The following PUS7 variants were observed in gnomAD, a reference collection of about 807,000 sequenced individuals.
PUS7 encodes the protein pseudouridine synthase 7.
Under a neutral mutation model 79.8 loss-of-function variants are expected in PUS7, and 48 were observed. The observed-to-expected ratio is 0.60, with a 90% CI of 0.48 to 0.76. The LOEUF (loss-of-function observed/expected upper bound fraction) is 0.76. PUS7 is among the 30% of genes least tolerant of loss of function. The pLI is 0.00. For synonymous variants in PUS7, 286 were observed against 272.2 expected, an observed-to-expected ratio of 1.05 and a Z score of -0.50; for missense variants, 729 against 797.6, an observed-to-expected ratio of 0.91 and a Z score of 1.04.
At chr7:105,459,633 TCA>T (rs1823332010) in intron 14 of PUS7, among the ~76,000 whole-genome samples, 1 of 151,666 alleles carries the variant, frequency 6.6e-6, no homozygotes, top group African/African-American at 2.4e-5. Context: ...AGATGGGGTT[TCA>T]CTATGTTGGC....
chr7:105,508,141 T>C lies in PUS7; in HGVS notation c.372A>G (p.Gln124=), dbSNP rs751232523. 3.1e-6 allele frequency: 5 copies of C among 1,614,024 alleles called. No homozygotes were observed. The highest frequency in any genetic ancestry group is 2.2e-5 in the East Asian group (1 of 44,884). The change falls in exon 2 of 16, where the codon CAA becomes CAG. Residue 124 remains glutamine (Q), a synonymous_variant. Transcript: ENST00000469408. ...VGITKFVSSH[Q]GFSGILKERY... is the part of the protein sequence containing the mutation. ...TTTCTTTTAAGATTCCCGAGAACCC[T>C]TGATGAGAACTCACAAACTTGGTGA...
chr7:105,483,563 T>C (rs1037095020), intron 7 of PUS7, among the ~76,000 whole-genome samples: 24 of 152,168 alleles, frequency 1.6e-4, no homozygotes, highest in Admixed American at 5.9e-4. Flanking sequence ...CCTCGCACAG[T>C]GCTGCGATTA....
chr7:105,481,613 C>A (rs1824322850), intron 8 of PUS7, among the ~76,000 whole-genome samples: 2 of 152,128 alleles, frequency 1.3e-5, no homozygotes. Context: ...AACTCTGTAC[C>A]CCTAAACAGT....
At chr7:105,463,720 C>T (rs1332789104) in intron 13 of PUS7, among the ~76,000 whole-genome samples, 2 of 151,066 alleles carry the variant, frequency 1.3e-5, no homozygotes, top group Admixed American at 6.6e-5. Flanking sequence ...TGCTAGCCTT[C>T]TACTCATTCA....
chr7:105,477,922 C>G (rs1824176328), intron 9 of PUS7, among the ~76,000 whole-genome samples: 1 of 152,158 alleles, frequency 6.6e-6, no homozygotes, highest in African/African-American at 2.4e-5. Flanking sequence ...CCTGCCTCAG[C>G]CTCCTGAGTA....
chr7:105,477,212 T>TTA (rs1467748414), intron 9 of PUS7, among the ~76,000 whole-genome samples: 2 of 152,208 alleles, frequency 1.3e-5, no homozygotes, highest in Non-Finnish European at 2.9e-5. Flanking sequence ...AGTGCAGCTC[T>TTA]TATGTTTAGA....
chr7:105,495,001 G>GAAAT, intron 6 of PUS7, 141 bp downstream of exon 6: 2 of 362,700 alleles, frequency 5.5e-6, no homozygotes, highest in Non-Finnish European at 1.0e-5. Context: ...AAGAAAGAAA[G>GAAAT]AAAGAAAGAA....
intron 12 of PUS7, 103 bp downstream of exon 12, chr7:105,468,234 C>T (rs1823735877): frequency 6.8e-7 from 1 of 1,468,736 alleles, no homozygotes; most frequent in East Asian, 2.3e-5. Flanking sequence ...TGCCTCACCA[C>T]ATCTCTCTTT....
At chr7:105,509,301 T>C (rs1469060743) in intron 1 of PUS7, among the ~76,000 whole-genome samples, 3 of 151,940 alleles carry the variant, frequency 2.0e-5, no homozygotes, top group Admixed American at 6.6e-5. Flanking sequence ...CTTCCAGATG[T>C]TGGCATACAC....
chr7:105,482,580 G>A (rs1586126776), intron 7 of PUS7, 140 bp from the exon 8 acceptor site: 1 of 805,364 alleles, frequency 1.2e-6, no homozygotes, highest in East Asian at 2.7e-5. Flanking sequence ...CACTGCAGCA[G>A]GTGAGGTGGG....
chr7:105,462,618 C>T lies in PUS7; in HGVS notation c.1757+3G>A. 6.2e-7 allele frequency: 1 copy of T among 1,613,440 alleles called. No individual in the cohort carries two copies. The highest frequency in any genetic ancestry group is 8.5e-7 in the Non-Finnish European group (1 of 1,179,878). ...TTCTATCTCATTCTAGATGATTACT[C>T]ACCAGCTAACATTCTGAGGACGAAT... On this transcript the variant is annotated splice_donor_region_variant and intron_variant, in intron 14 of 15. Coordinates refer to ENST00000469408, the MANE Select transcript of PUS7 (RefSeq NM_019042.5).
intron 7 of PUS7, among the ~76,000 whole-genome samples, chr7:105,483,089 G>T (rs1824393417): frequency 6.6e-6 from 1 of 151,954 alleles, no homozygotes; most frequent in Non-Finnish European, 1.5e-5. Flanking sequence ...AATAGGAAAT[G>T]TATATAGAGA....
chr7:105,497,588 T>C (rs749948016), intron 5 of PUS7, among the ~76,000 whole-genome samples: 1 of 152,230 alleles, frequency 6.6e-6, no homozygotes, highest in East Asian at 1.9e-4. Context: ...ACAAGCCATC[T>C]GCATATAAAA....
intron 9 of PUS7, among the ~76,000 whole-genome samples, chr7:105,473,403 C>T (rs1185298432): frequency 6.6e-6 from 1 of 150,670 alleles, no homozygotes; most frequent in African/African-American, 2.5e-5. Flanking sequence ...GCTGAGTCAG[C>T]ATGCCTGCCT....
chr7:105,468,203 G>T, intron 12 of PUS7, 134 bp downstream of exon 12: 4 of 1,218,758 alleles, frequency 3.3e-6, no homozygotes, highest in Non-Finnish European at 4.5e-6. Flanking sequence ...AAAGTGTCAG[G>T]ATTATGGGCG....
At chr7:105,493,095 A>C (rs1309416544) in intron 6 of PUS7, among the ~76,000 whole-genome samples, 2 of 152,244 alleles carry the variant, frequency 1.3e-5, no homozygotes, top group Admixed American at 1.3e-4. Flanking sequence ...AGTGAAAGCA[A>C]AGAAAAATGC....
chr7:105,491,474 T>G, intron 7 of PUS7, 66 bp downstream of exon 7: 52 of 1,044,044 alleles, frequency 5.0e-5, no homozygotes, highest in Middle Eastern at 2.1e-4. Context: ...AAAGTAAATT[T>G]GAGAATTCTG....
At chr7:105,516,935 A>T (rs1277255887) in intron 1 of PUS7, among the ~76,000 whole-genome samples, 1 of 152,128 alleles carries the variant, frequency 6.6e-6, no homozygotes, top group Non-Finnish European at 1.5e-5. Context: ...TTGAATGAAG[A>T]TATAAAGTTA....
chr7:105,512,176 C>T (rs1460481187), intron 1 of PUS7, among the ~76,000 whole-genome samples: 1 of 140,340 alleles, frequency 7.1e-6, no homozygotes, highest in Non-Finnish European at 1.5e-5. Flanking sequence ...AAAAAAAATC[C>T]TTTGAAAGAC....
Sources: gnomAD v4.1 joint callset for allele counts (sites outside exome capture counted in the v4.1 genomes callset) on GRCh38, gnomAD v4.1.1 for gene constraint, MANE v1.5 for transcripts, NCBI Gene and HGNC (gene_info 2026-07-23, HGNC 2026-07-21) for gene names.